CDH12: variants seen among roughly 807,000 people sequenced by gnomAD.
The protein encoded by CDH12 is cadherin 12.
In CDH12, 41 loss-of-function variants were observed where a neutral mutation model predicts 74.1. That is an observed-to-expected ratio of 0.55 (90% CI 0.43 to 0.72). CDH12 has a LOEUF of 0.72. Among genes scored for constraint, CDH12 ranks in the 30% least tolerant of loss-of-function variants. The pLI is 0.00. For missense variants in CDH12, 945 were observed against 977.2 expected (o/e 0.97, Z 0.44); for synonymous variants, 399 against 355.0 (o/e 1.12, Z -1.39).
intron 1 of CDH12, among the ~76,000 whole-genome samples, chr5:22,822,663 T>C (rs894351258): frequency 1.3e-5 from 2 of 152,044 alleles, no homozygotes; most frequent in African/African-American, 2.4e-5. Context: ...CAGAGAAATG[T>C]AAATCAAAAC....
Position 21,972,040 on chromosome 5 carries a change from C to T in CDH12, c.526+3051G>A, listed in dbSNP as rs556862120. On this transcript the variant is annotated intron_variant, in intron 6 of 14. Coordinates refer to ENST00000382254, the MANE Select transcript of CDH12 (RefSeq NM_004061.5). ...ACTCATCCTACCCACCACCATTCTC[C>T]CTTTGTACAATATGTTCTTTGTAAT... Among the ~76,000 whole-genome samples, 62 of 152,190 alleles carry T rather than the reference C, an allele frequency of 4.1e-4. 1 individual carries two copies. The highest frequency in any genetic ancestry group is 1.5e-3 in the African/African-American group (61 of 41,524).
intron 4 of CDH12, among the ~76,000 whole-genome samples, chr5:22,092,630 G>A (rs1321778908): frequency 1.3e-5 from 2 of 152,058 alleles, no homozygotes; most frequent in Non-Finnish European, 2.9e-5. Flanking sequence ...ATCAGCACCC[G>A]CACACATGGC....
intron 6 of CDH12, among the ~76,000 whole-genome samples, chr5:21,962,133 A>G (rs571525086): frequency 6.6e-6 from 1 of 152,216 alleles, no homozygotes; most frequent in African/African-American, 2.4e-5. Flanking sequence ...GAAATTTTTC[A>G]TCAAAATTTG....
chr5:22,467,976 C>G (rs1444392902), intron 2 of CDH12, among the ~76,000 whole-genome samples: 1 of 152,174 alleles, frequency 6.6e-6, no homozygotes, highest in East Asian at 1.9e-4. Flanking sequence ...GTCTGATGTT[C>G]TGGGCCTCCA....
chr5:22,473,670 A>G (rs1746056277), intron 2 of CDH12, among the ~76,000 whole-genome samples: 1 of 152,172 alleles, frequency 6.6e-6, no homozygotes, highest in African/African-American at 2.4e-5. Flanking sequence ...TTAGTTTTAA[A>G]AGGTAAGTAA....
chr5:22,075,138 G>T (rs1054819202), intron 5 of CDH12, among the ~76,000 whole-genome samples: 2 of 151,850 alleles, frequency 1.3e-5, no homozygotes, highest in African/African-American at 4.8e-5. Flanking sequence ...CCATAAAAAA[G>T]GATGAGTTCA....
At chr5:22,403,360 C>T (rs143020709) in intron 3 of CDH12, among the ~76,000 whole-genome samples, 5 of 152,254 alleles carry the variant, frequency 3.3e-5, no homozygotes, top group African/African-American at 1.2e-4. Flanking sequence ...TCAGCTTTTG[C>T]ACCAAAGGAG....
chr5:22,196,513 T>C (rs1750629075), intron 4 of CDH12, among the ~76,000 whole-genome samples: 2 of 152,116 alleles, frequency 1.3e-5, no homozygotes, highest in Non-Finnish European at 2.9e-5. Flanking sequence ...TGCACTCCAT[T>C]CCAGGTGACA....
At chr5:22,781,182 T>A (rs1454526217) in intron 1 of CDH12, among the ~76,000 whole-genome samples, 1 of 152,216 alleles carries the variant, frequency 6.6e-6, no homozygotes, top group Non-Finnish European at 1.5e-5. Flanking sequence ...TTATTCAAAG[T>A]GCTGCACTCA....
At chr5:22,124,130 C>CTGA (rs1295230415) in intron 4 of CDH12, among the ~76,000 whole-genome samples, 1 of 151,198 alleles carries the variant, frequency 6.6e-6, no homozygotes, top group Non-Finnish European at 1.5e-5. Context: ...ACACTCCCTG[C>CTGA]TGATTATTAT....
At chr5:22,019,076 A>T (rs1737797668) in intron 5 of CDH12, among the ~76,000 whole-genome samples, 1 of 151,852 alleles carries the variant, frequency 6.6e-6, no homozygotes, top group South Asian at 2.1e-4. Context: ...AAAAAAAATT[A>T]AAAAGAAGGA....
intron 2 of CDH12, among the ~76,000 whole-genome samples, chr5:22,460,323 G>A (rs955963471): frequency 1.3e-5 from 2 of 152,070 alleles, no homozygotes; most frequent in African/African-American, 4.8e-5. Context: ...TTTATACCCT[G>A]TGACAAACAT....
At chr5:22,423,218 A>G (rs551390124) in intron 2 of CDH12, among the ~76,000 whole-genome samples, 204 of 152,018 alleles carry the variant, frequency 1.3e-3, no homozygotes, top group Admixed American at 2.4e-3. Context: ...AAAAAAAAAA[A>G]AAAAAGCAAA....
chr5:21,911,193 C>G (rs1260972260), intron 6 of CDH12, among the ~76,000 whole-genome samples: 2 of 152,082 alleles, frequency 1.3e-5, no homozygotes, highest in Non-Finnish European at 2.9e-5. Context: ...CTAAGCTTAA[C>G]AAGTTCTTAG....
intron 5 of CDH12, among the ~76,000 whole-genome samples, chr5:21,983,698 T>C (rs1757404165): frequency 6.6e-6 from 1 of 152,186 alleles, no homozygotes; most frequent in Non-Finnish European, 1.5e-5. Flanking sequence ...AATTGTTTAA[T>C]GTTAGACCTT....
intron 6 of CDH12, among the ~76,000 whole-genome samples, chr5:21,869,126 G>A (rs1397753778): frequency 6.6e-6 from 1 of 152,174 alleles, no homozygotes; most frequent in Admixed American, 6.5e-5. Flanking sequence ...AGTCTAAGAA[G>A]GGAGTTATAA....
chr5:21,813,056 G>A (rs1747838483), intron 9 of CDH12, among the ~76,000 whole-genome samples: 1 of 152,078 alleles, frequency 6.6e-6, no homozygotes, highest in African/African-American at 2.4e-5. Context: ...CATCTCTGTT[G>A]CTGTACCATC....
intron 1 of CDH12, among the ~76,000 whole-genome samples, chr5:22,571,115 G>T (rs1462412677): frequency 6.6e-6 from 1 of 151,972 alleles, no homozygotes; most frequent in African/African-American, 2.4e-5. Context: ...GGTATGTTTT[G>T]GCTGCTTTGA....
chr5:22,146,630 A>C (rs1747202660), intron 4 of CDH12, among the ~76,000 whole-genome samples: 1 of 152,174 alleles, frequency 6.6e-6, no homozygotes, highest in Admixed American at 6.6e-5. Context: ...TAGAAAACAA[A>C]TCATTTATAG....
Sources: allele counts gnomAD v4.1 joint callset (sites outside exome capture counted in the v4.1 genomes callset), GRCh38; gene constraint gnomAD v4.1.1; transcripts MANE v1.5; gene names NCBI Gene and HGNC (gene_info 2026-07-23, HGNC 2026-07-21).